The following SH3KBP1 variants were observed in gnomAD, a reference collection of about 807,000 sequenced individuals.
SH3KBP1 encodes the protein SH3 domain containing kinase binding protein 1.
In SH3KBP1, 8 loss-of-function variants were observed where a neutral mutation model predicts 50.1. The ratio of observed to expected loss-of-function variants is 0.16; its 90% confidence interval spans 0.09 to 0.29. The LOEUF is 0.29. Ranked by LOEUF, SH3KBP1 falls within the 10% of genes least tolerant of loss-of-function variation. The pLI is 1.00. For missense variants in SH3KBP1, 377 were observed against 535.2 expected (o/e 0.70, Z 2.92); for synonymous variants, 227 against 218.6 (o/e 1.04, Z -0.34).
chrX:19,562,859 T>C (rs922069679), intron 13 of SH3KBP1, among the ~76,000 whole-genome samples: 2 of 111,983 alleles, frequency 1.8e-5, no homozygotes, highest in African/African-American at 6.5e-5. Context: ...CTGGTGGGTA[T>C]AGAGCACTTG....
intron 8 of SH3KBP1, among the ~76,000 whole-genome samples, chrX:19,616,050 C>T (rs1247372427): frequency 9.0e-6 from 1 of 110,627 alleles, no homozygotes; most frequent in African/African-American, 3.3e-5. Flanking sequence ...GCAGCCTTGA[C>T]CTCTCAGGCT....
chrX:19,602,788 T>C (rs745564237), intron 9 of SH3KBP1, among the ~76,000 whole-genome samples: 5 of 111,995 alleles, frequency 4.5e-5, no homozygotes, highest in African/African-American at 9.7e-5. Context: ...AAAGAAAATG[T>C]TGACTAAGAA....
In SH3KBP1 at chrX:19,817,095, T is replaced by G. The variant is rs150357899; in HGVS notation, c.162+19030A>C. Among the ~76,000 whole-genome samples, 898 of 111,860 alleles carry G rather than the reference T, an allele frequency of 8.0e-3. 10 individuals are homozygous for G. Among genetic ancestry groups the G allele is most frequent in the African/African-American group, 0.027 (843 of 30,793 alleles). ...GTCACTTGGGCATATTTGTGTAGGTTTATTTCTGGGTTCTCTAGTCCGTTC... is the reference window on the plus strand; with the variant it reads ...GTCACTTGGGCATATTTGTGTAGGTGTATTTCTGGGTTCTCTAGTCCGTTC... On this transcript the variant is annotated intron_variant, in intron 2 of 17. Coordinates refer to ENST00000397821, the MANE Select transcript of SH3KBP1 (RefSeq NM_031892.3).
At chrX:19,573,211 A>T (rs987939450) in intron 12 of SH3KBP1, among the ~76,000 whole-genome samples, 3 of 112,338 alleles carry the variant, frequency 2.7e-5, no homozygotes, top group African/African-American at 9.7e-5. Context: ...GACAAGAAAG[A>T]AATAGTCCAA....
rs745399348 is a variant in SH3KBP1 at position 19,866,673 on chromosome X, G to A, written c.4+20634C>T. Among the ~76,000 whole-genome samples the A allele has an allele frequency of 3.9e-5, 4 of 102,096 alleles. No homozygotes were observed. In the East Asian group the frequency reaches 1.2e-3, roughly 30 times the overall value. 88.7% of individuals were successfully genotyped at this position (102,096 alleles called of 115,157 possible). A position where few individuals can be genotyped will look rare whatever the true frequency, so the allele number is the denominator to read the frequency against. ...CCACTGCACTCTAGCCTGCGCAACA[G>A]AGCGAGACCCTGTCTCTTTAAAAAA... On this transcript the variant is annotated intron_variant, in intron 1 of 17. Transcript: ENST00000397821.
At chrX:19,803,083 G>A (rs1241341416) in intron 2 of SH3KBP1, among the ~76,000 whole-genome samples, 1 of 111,198 alleles carries the variant, frequency 9.0e-6, no homozygotes, top group Non-Finnish European at 1.9e-5. Context: ...CAACGTGCAG[G>A]AAATCCCTTA....
chrX:19,567,667 A>G (rs2147819826), intron 13 of SH3KBP1, among the ~76,000 whole-genome samples: 1 of 103,825 alleles, frequency 9.6e-6, no homozygotes, highest in South Asian at 4.4e-4. Context: ...CTTAGTCATG[A>G]CAGTGTACTA....
chrX:19,772,557 C>T, intron 2 of SH3KBP1, among the ~76,000 whole-genome samples: 1 of 111,127 alleles, frequency 9.0e-6, no homozygotes, highest in Middle Eastern at 4.6e-3. Flanking sequence ...CCCATGCTCC[C>T]CCCATTTCCT....
Position 19,550,058 on chromosome X carries a change from T to C in SH3KBP1, c.1410A>G (p.Val470=), listed in dbSNP as rs35665839. The C allele has an allele frequency of 3.9e-4, 470 of 1,205,800 alleles. 3 individuals are homozygous for C. The African/African-American group carries it at 7.3e-3, about 19-fold the overall frequency. ...DIDLEGFDSV[V]SSTEKLSHPT... is the part of the protein sequence containing the mutation. ...GATGACTGAGTTTCTCAGTAGATGA[T>C]ACCACGGAGTCAAAACCTTCTAAGT... Residue 470 remains valine (V), a synonymous_variant, in exon 14 of 18, where the codon GTA becomes GTG. Transcript: ENST00000397821.
chrX:19,879,944 C>A (rs929619748), intron 1 of SH3KBP1, among the ~76,000 whole-genome samples: 2 of 112,234 alleles, frequency 1.8e-5, no homozygotes, highest in Non-Finnish European at 3.8e-5. Context: ...GTGCGGGGGG[C>A]GGCTGGCCTG....
intron 8 of SH3KBP1, among the ~76,000 whole-genome samples, chrX:19,611,092 C>G (rs2078172136): frequency 9.0e-6 from 1 of 110,502 alleles, no homozygotes; most frequent in Non-Finnish European, 1.9e-5. Flanking sequence ...CGCCGTGCTG[C>G]CCAGGCTGGT....
chrX:19,839,300 C>G (rs2068155893), intron 1 of SH3KBP1, among the ~76,000 whole-genome samples: 1 of 104,761 alleles, frequency 9.5e-6, no homozygotes, highest in Non-Finnish European at 1.9e-5. Flanking sequence ...TGTACACAAT[C>G]TATACATAAT....
intron 3 of SH3KBP1, among the ~76,000 whole-genome samples, chrX:19,744,288 T>C (rs1448570472): frequency 8.9e-6 from 1 of 112,431 alleles, no homozygotes; most frequent in Non-Finnish European, 1.9e-5. Context: ...TTTTTTTCAT[T>C]GATTTTGGGT....
intron 12 of SH3KBP1, among the ~76,000 whole-genome samples, chrX:19,580,210 C>A (rs964404514): frequency 1.8e-5 from 2 of 111,606 alleles, no homozygotes; most frequent in African/African-American, 6.5e-5. Flanking sequence ...TAGAAGAGGG[C>A]CAGGGCAAAG....
At chrX:19,590,809 ATTTTTTTTTTTTTTTTTT>A (rs34366083) in intron 11 of SH3KBP1, among the ~76,000 whole-genome samples, 8 of 23,764 alleles carry the variant, frequency 3.4e-4, no homozygotes, top group African/African-American at 1.1e-3. Flanking sequence ...AGGCCTGGCT[ATTTTTTTTTTTTTTTTTT>A]TTTTTTTTTT....
At chrX:19,678,266 A>T (rs1039704187) in intron 6 of SH3KBP1, among the ~76,000 whole-genome samples, 1 of 111,660 alleles carries the variant, frequency 9.0e-6, no homozygotes, top group Non-Finnish European at 1.9e-5. Context: ...AGAGGGATAT[A>T]CCATGTTCAT....
intron 12 of SH3KBP1, among the ~76,000 whole-genome samples, chrX:19,584,146 TTATA>T (rs1481285029): frequency 1.1e-5 from 1 of 93,797 alleles, no homozygotes; most frequent in Non-Finnish European, 2.0e-5. Context: ...TAATATATAT[TTATA>T]TATAATATAT....
intron 3 of SH3KBP1, among the ~76,000 whole-genome samples, chrX:19,726,801 T>G (rs769329130): frequency 8.9e-6 from 1 of 112,343 alleles, no homozygotes; most frequent in South Asian, 3.7e-4. Flanking sequence ...TCCACATTCA[T>G]CAGAGCCCAA....
chrX:19,823,966 A>G (rs919619323), intron 2 of SH3KBP1, among the ~76,000 whole-genome samples: 19 of 111,239 alleles, frequency 1.7e-4, no homozygotes, highest in Admixed American at 1.4e-3. Context: ...GACTACAGGC[A>G]TGGACCACCA....
Sources: allele counts gnomAD v4.1 joint callset (sites outside exome capture counted in the v4.1 genomes callset), GRCh38; gene constraint gnomAD v4.1.1; transcripts MANE v1.5; gene names NCBI Gene and HGNC (gene_info 2026-07-23, HGNC 2026-07-21).